Variants in MORN2 observed in about 807,000 individuals in gnomAD.
MORN2 encodes the protein MORN repeat containing 2, also known as MORN repeat-containing protein 2.
Under a neutral mutation model 13.4 loss-of-function variants are expected in MORN2, and 15 were observed. The observed-to-expected ratio is 1.12, with a 90% confidence interval of 0.75 to 1.72. The LOEUF (loss-of-function observed/expected upper bound fraction) is 1.72. MORN2 is among the 40% of genes most tolerant of loss of function. MORN2 has a pLI of 0.00. For missense variants in MORN2, 168 were observed against 134.6 expected (o/e 1.25, Z -1.23); for synonymous variants, 46 against 43.6 (o/e 1.06, Z -0.22).
intron 3 of MORN2, 95 bp downstream of exon 3, chr2:38,880,801 G>A: frequency 7.7e-7 from 1 of 1,300,122 alleles, no homozygotes; most frequent in Non-Finnish European, 1.1e-6. Flanking sequence ...CTCCTATAAT[G>A]AGTAGACTAT....
chr2:38,879,484 A>G (rs1665729602), intron 1 of MORN2, among the ~76,000 whole-genome samples: 1 of 152,220 alleles, frequency 6.6e-6, no homozygotes, highest in Non-Finnish European at 1.5e-5. Flanking sequence ...CTGATACACG[A>G]TGCAACATGG....
intron 1 of MORN2, among the ~76,000 whole-genome samples, chr2:38,877,526 A>G (rs919265847): frequency 2.0e-5 from 3 of 152,206 alleles, no homozygotes; most frequent in Admixed American, 1.3e-4. Flanking sequence ...AGTGTTAATT[A>G]GTGTCTATAT....
chr2:38,880,856 G>A, intron 3 of MORN2, 150 bp downstream of exon 3: 3 of 884,798 alleles, frequency 3.4e-6, no homozygotes, highest in South Asian at 2.4e-5. Flanking sequence ...ATTAACTTAT[G>A]AGTAATATTA....
chr2:38,878,372 T>C (rs1000520205), intron 1 of MORN2, among the ~76,000 whole-genome samples: 1 of 152,194 alleles, frequency 6.6e-6, no homozygotes, highest in Admixed American at 6.5e-5. Context: ...CCATTTGTAG[T>C]CCAAGCAGTC....
chr2:38,882,525 TA>T lies in MORN2; in HGVS notation c.*13del. The T allele has an allele frequency of 6.5e-7, 1 of 1,534,292 alleles. No individual in the cohort carries two copies. Among genetic ancestry groups the T allele is most frequent in the Non-Finnish European group, 8.8e-7 (1 of 1,133,008 alleles). On this transcript the variant is annotated 3_prime_UTR_variant, in exon 5 of 5. Transcript: ENST00000644631. Reference sequence around the variant, plus strand: ...AAAGCTTCACATGTAGATGTGATGTTAAATTAAAGTTGAAATGTAGTAATTG... The same window carrying T: ...AAAGCTTCACATGTAGATGTGATGTTAATTAAAGTTGAAATGTAGTAATTG...
At chr2:38,876,773 T>C (rs1665640934) in intron 1 of MORN2, among the ~76,000 whole-genome samples, 1 of 152,220 alleles carries the variant, frequency 6.6e-6, no homozygotes, top group Non-Finnish European at 1.5e-5. Context: ...GAGCTGGGGC[T>C]ACAAGAATAC....
chr2:38,881,836 G>A (rs993972724), intron 4 of MORN2, among the ~76,000 whole-genome samples: 2 of 152,070 alleles, frequency 1.3e-5, no homozygotes, highest in African/African-American at 4.8e-5. Flanking sequence ...TTTTCAGTAG[G>A]GACGGGGTTT....
intron 3 of MORN2, among the ~76,000 whole-genome samples, 164 bp from the exon 4 acceptor site, chr2:38,881,277 GA>G (rs1466408353): frequency 6.6e-6 from 1 of 152,172 alleles, no homozygotes; most frequent in Non-Finnish European, 1.5e-5. Flanking sequence ...AGATACAGAT[GA>G]AGGAAAATGA....
At chr2:38,881,377 A>C (rs1280454730) in intron 3 of MORN2, 65 bp from the exon 4 acceptor site, 2 of 1,419,892 alleles carry the variant, frequency 1.4e-6, no homozygotes, top group Non-Finnish European at 1.9e-6. Context: ...ATATTTGTAC[A>C]TTTTTTAAAG....
chr2:38,882,439 A>T lies in MORN2; in HGVS notation c.380A>T (p.Asp127Val). 1.9e-6 allele frequency: 3 copies of T among 1,550,596 alleles called. No homozygotes were observed. The highest frequency in any genetic ancestry group is 2.6e-6 in the Non-Finnish European group (3 of 1,146,262). The change falls in exon 5 of 5, where the codon GAT (aspartate) becomes GTT (valine). Residue 127 changes from aspartate (D) to valine (V), a missense_variant. Coordinates refer to ENST00000644631, the MANE Select transcript of MORN2 (RefSeq NM_001145450.3). ...GTGGAAGGTGAAGGGGAATATACTG[A>T]TATCCAAGGACTAGAATGGAGTGGT...
rs921170656 is a variant in MORN2 at position 38,880,660 on chromosome 2, C to G, written c.170C>G (p.Thr57Ser). Residue 57 changes from threonine to serine, a missense_variant, in exon 3 of 5, where the codon ACC becomes AGC. Thr to Ser is a moderately conservative substitution (Grantham distance 58, BLOSUM62 1). Coordinates refer to ENST00000644631, the MANE Select transcript of MORN2 (RefSeq NM_001145450.3). ...GAGAGAAATGGAATAGGTATTCATA[C>G]CACTCCTAATGGGATTGTCTACACA... is the stretch of plus-strand genomic sequence containing the variant. The G allele has an allele frequency of 4.8e-5, 74 of 1,549,050 alleles. No homozygotes were observed. Among genetic ancestry groups the G allele is most frequent in the Admixed American group, 2.0e-4 (10 of 50,798 alleles).
At chr2:38,882,304 G>A (rs1291521254) in intron 4 of MORN2, 109 bp from the exon 5 acceptor site, 1 of 294,006 alleles carries the variant, frequency 3.4e-6, no homozygotes, top group Non-Finnish European at 5.6e-6. Context: ...AAGCTTGAAA[G>A]TAGAGGATAT....
chr2:38,877,397 T>C (rs1665669110), intron 1 of MORN2, among the ~76,000 whole-genome samples: 1 of 152,148 alleles, frequency 6.6e-6, no homozygotes, highest in Non-Finnish European at 1.5e-5. Context: ...AACTAATTAA[T>C]GAGCACACAT....
At chr2:38,882,221 T>TG (rs898160839) in intron 4 of MORN2, among the ~76,000 whole-genome samples, 192 bp from the exon 5 acceptor site, 10 of 127,290 alleles carry the variant, frequency 7.9e-5, no homozygotes, top group Middle Eastern at 3.8e-3. Context: ...TAGTATGTGG[T>TG]TTTTTTTTTT....
At chr2:38,878,680 T>C (rs1665708383) in intron 1 of MORN2, among the ~76,000 whole-genome samples, 1 of 152,210 alleles carries the variant, frequency 6.6e-6, no homozygotes, top group African/African-American at 2.4e-5. Context: ...ACCAATTATA[T>C]TATTCATTTC....
chr2:38,877,282 A>AT (rs958376287), intron 1 of MORN2, among the ~76,000 whole-genome samples: 91 of 149,660 alleles, frequency 6.1e-4, no homozygotes, highest in African/African-American at 1.3e-3. Flanking sequence ...AAATAAATAA[A>AT]TAAATAAATT....
At chr2:38,880,070 G>C (rs551801944) in intron 1 of MORN2, 109 bp from the exon 2 acceptor site, 18 of 382,102 alleles carry the variant, frequency 4.7e-5, no homozygotes, top group Middle Eastern at 1.3e-3. Flanking sequence ...GAGGCGGGAG[G>C]ATCGCTTGAG....
chr2:38,877,287 TAAA>T (rs1558415707), intron 1 of MORN2, among the ~76,000 whole-genome samples: 32 of 32,266 alleles, frequency 9.9e-4, no homozygotes, highest in African/African-American at 2.2e-3. Flanking sequence ...AATAAATAAA[TAAA>T]TTAAATTAAA....
At chr2:38,882,313 A>G (rs1371231130) in intron 4 of MORN2, 100 bp from the exon 5 acceptor site, 1 of 539,000 alleles carries the variant, frequency 1.9e-6, no homozygotes, top group Non-Finnish European at 3.0e-6. Context: ...AGTAGAGGAT[A>G]TAATCTTCAG....
Sources: allele counts gnomAD v4.1 joint callset (sites outside exome capture counted in the v4.1 genomes callset), GRCh38; gene constraint gnomAD v4.1.1; transcripts MANE v1.5; gene names NCBI Gene and HGNC (gene_info 2026-07-23, HGNC 2026-07-21).